The following RAD51C variants were observed in gnomAD, a reference collection of about 807,000 sequenced individuals.
RAD51C encodes the protein DNA repair protein RAD51 homolog 3.
RAD51C carries 42 observed loss-of-function variants against 45.0 expected under a neutral mutation model. The ratio of observed to expected loss-of-function variants is 0.93; its 90% CI spans 0.73 to 1.21. RAD51C has a LOEUF of 1.21. Ranked by LOEUF, RAD51C falls within the 50% of genes most tolerant of loss-of-function variation. RAD51C has a pLI of 0.00. For missense variants in RAD51C, 474 were observed against 452.2 expected (o/e 1.05, Z -0.44); for synonymous variants, 172 against 159.8 (o/e 1.08, Z -0.58).
chr17:58,704,411 T>C (rs551598154), intron 4 of RAD51C, among the ~76,000 whole-genome samples: 46 of 152,126 alleles, frequency 3.0e-4, no homozygotes, highest in Non-Finnish European at 5.7e-4. Flanking sequence ...TAGCTGGGAC[T>C]ACAGGCATGC....
At chr17:58,708,028 C>T (rs935064868) in intron 4 of RAD51C, among the ~76,000 whole-genome samples, 3 of 152,148 alleles carry the variant, frequency 2.0e-5, no homozygotes, top group Admixed American at 6.6e-5. Flanking sequence ...AATACAGTCA[C>T]ACTGGGAGAT....
At chr17:58,714,876 G>A (rs1387345196) in intron 5 of RAD51C, among the ~76,000 whole-genome samples, 1 of 152,032 alleles carries the variant, frequency 6.6e-6, no homozygotes, top group Non-Finnish European at 1.5e-5. Context: ...ATTCATCCTT[G>A]CAGTGTGCAC....
intron 4 of RAD51C, among the ~76,000 whole-genome samples, chr17:58,704,333 C>T (rs1160296329): frequency 1.3e-5 from 2 of 151,736 alleles, no homozygotes; most frequent in African/African-American, 2.4e-5. Flanking sequence ...AGTGCATTGG[C>T]GTGATCTTGG....
chr17:58,734,586 GTGTT>G lies in RAD51C; in HGVS notation c.*366_*369del. The G allele has an allele frequency of 7.1e-6, 1 of 140,410 alleles. No individual in the cohort carries two copies. Among genetic ancestry groups the G allele is most frequent in the Admixed American group, 8.1e-5 (1 of 12,366 alleles). 8.7% of individuals were successfully genotyped at this position (140,410 alleles called of 1,614,324 possible). A position where few individuals can be genotyped will look rare whatever the true frequency, so the allele number is the denominator to read the frequency against. On this transcript the variant is annotated 3_prime_UTR_variant, in exon 9 of 9. Coordinates refer to ENST00000337432, the MANE Select transcript of RAD51C (RefSeq NM_058216.3). ...GGAAGAAACATATCATATTCTTATT[GTGTT>G]TTTTTTTTTTTTTTTTTTTTTGGAG...
At chr17:58,724,203 G>T in intron 7 of RAD51C, 103 bp downstream of exon 7, 2 of 1,120,032 alleles carry the variant, frequency 1.8e-6, no homozygotes, top group Admixed American at 3.8e-5. Context: ...GATATACAGT[G>T]ACCCATGAAG....
At chr17:58,695,414 G>A in intron 2 of RAD51C, 2 of 1,217,258 alleles carry the variant, frequency 1.6e-6, no homozygotes, top group Non-Finnish European at 2.1e-6. Flanking sequence ...TTTGCAAATT[G>A]TACTGCAGTC....
At chr17:58,710,123 G>A (rs747884710) in intron 5 of RAD51C, 133 bp downstream of exon 5, 3 of 1,060,038 alleles carry the variant, frequency 2.8e-6, no homozygotes, top group Admixed American at 2.3e-5. Context: ...GTTACGTTTG[G>A]TTGGTTTCCA....
rs1598449381 is a variant in RAD51C, at chr17:58,692,742, G to T, written c.99G>T (p.Gln33His). The T allele has an allele frequency of 6.2e-7, 1 of 1,614,274 alleles. No individual in the cohort carries two copies. The highest frequency in any genetic ancestry group is 8.5e-7 in the Non-Finnish European group (1 of 1,180,052). ...VRVKLVSAGF[Q>H]TAEELLEVKP... The stretch of plus-strand genomic sequence containing the variant: ...TGAAGCTGGTGTCTGCGGGGTTCCA[G>T]ACTGCTGAGGAACTCCTAGAGGTGA... Residue 33 changes from glutamine to histidine, a missense_variant, in exon 1 of 9, where the codon CAG (glutamine) becomes CAT (histidine). Coordinates refer to ENST00000337432, the MANE Select transcript of RAD51C (RefSeq NM_058216.3).
intron 7 of RAD51C, among the ~76,000 whole-genome samples, chr17:58,727,523 G>A (rs538875242): frequency 6.6e-6 from 1 of 151,872 alleles, no homozygotes; most frequent in South Asian, 2.1e-4. Context: ...TGAATATGTA[G>A]CTTACTCCTT....
chr17:58,712,398 GA>G (rs200264542), intron 5 of RAD51C, among the ~76,000 whole-genome samples: 7,373 of 130,644 alleles, frequency 0.056, 264 homozygotes, highest in Middle Eastern at 0.098. Context: ...TTTTGTAAAA[GA>G]AAAAAAAAGT....
intron 7 of RAD51C, among the ~76,000 whole-genome samples, chr17:58,725,441 G>A (rs1308342465): frequency 6.6e-6 from 1 of 152,070 alleles, no homozygotes; most frequent in African/African-American, 2.4e-5. Context: ...TAGGAATTAC[G>A]CCTGAGTTAG....
rs1473651696 is a variant in RAD51C at position 58,734,139 on chromosome 17, G to A, written c.1048G>A (p.Val350Ile). Reference sequence around the variant, plus strand: ...TCAGCCTCAGGGATTTAGAGATACTGTTGTTACTTCTGCATGTTCATTGCA... The same window carrying A: ...TCAGCCTCAGGGATTTAGAGATACTATTGTTACTTCTGCATGTTCATTGCA... ...QIKPQGFRDT[V>I]VTSACSLQTE... is the part of the protein sequence containing the mutation. Residue 350 changes from valine to isoleucine, a missense_variant, in exon 9 of 9, where the codon GTT becomes ATT. Physicochemically the swap from Val to Ile is conservative, Grantham distance 29. Coordinates refer to ENST00000337432, the MANE Select transcript of RAD51C (RefSeq NM_058216.3). 6.2e-7 allele frequency: 1 copy of A among 1,613,506 alleles called. No homozygotes were observed. Among genetic ancestry groups the A allele is most frequent in the Non-Finnish European group, 8.5e-7 (1 of 1,179,708 alleles).
At chr17:58,703,000 C>T (rs1485194647) in intron 3 of RAD51C, among the ~76,000 whole-genome samples, 196 bp from the exon 4 acceptor site, 1 of 152,198 alleles carries the variant, frequency 6.6e-6, no homozygotes, top group East Asian at 1.9e-4. Context: ...ACGTTGTGCA[C>T]ATGTACCCTA....
At chr17:58,733,987 A>T in intron 8 of RAD51C, 131 bp from the exon 9 acceptor site, 1 of 1,392,576 alleles carries the variant, frequency 7.2e-7, no homozygotes, top group East Asian at 2.6e-5. Context: ...AAGTGCTGGG[A>T]TTACAGGTGT....
chr17:58,734,070 T>G (rs1429834352), intron 8 of RAD51C, 48 bp from the exon 9 acceptor site: 1 of 1,571,884 alleles, frequency 6.4e-7, no homozygotes, highest in Non-Finnish European at 8.7e-7. Context: ...AAGATCAGTC[T>G]TCAAATGTTC....
chr17:58,710,053 C>A (rs2143856543), intron 5 of RAD51C, 63 bp downstream of exon 5: 1 of 1,521,680 alleles, frequency 6.6e-7, no homozygotes, highest in Non-Finnish European at 9.1e-7. Context: ...ATGTTAATGT[C>A]TAGAAATGTC....
intron 7 of RAD51C, among the ~76,000 whole-genome samples, chr17:58,729,507 G>A (rs569049690): frequency 3.3e-5 from 5 of 151,810 alleles, no homozygotes; most frequent in South Asian, 2.1e-4. Flanking sequence ...GAGCCACCGC[G>A]CCCGGCCTGA....
At chr17:58,695,370 G>A in intron 2 of RAD51C, 181 bp downstream of exon 2, 1 of 1,367,452 alleles carries the variant, frequency 7.3e-7, no homozygotes, top group South Asian at 1.8e-5. Context: ...CTTGATAAAT[G>A]TATGCAATTA....
intron 5 of RAD51C, among the ~76,000 whole-genome samples, chr17:58,715,385 C>T (rs569210369): frequency 7.8e-5 from 11 of 141,130 alleles, no homozygotes; most frequent in South Asian, 2.4e-4. Flanking sequence ...ACCCAGGAGG[C>T]GGAGGTTGCA....
Sources: allele counts gnomAD v4.1 joint callset (sites outside exome capture counted in the v4.1 genomes callset), GRCh38; gene constraint gnomAD v4.1.1; transcripts MANE v1.5; gene names NCBI Gene and HGNC (gene_info 2026-07-23, HGNC 2026-07-21).